Variants in SLC12A8 observed in about 807,000 individuals in gnomAD.
SLC12A8 encodes solute carrier family 12 member 8, also known as cation-chloride cotransporter 9.
A neutral mutation model predicts 75.6 loss-of-function variants in SLC12A8; 69 were observed. That is an observed-to-expected ratio of 0.91 (90% CI 0.75 to 1.11). SLC12A8 has a LOEUF of 1.11. SLC12A8 is among the 50% of genes most tolerant of loss of function. The pLI is 0.00. For missense variants in SLC12A8, 877 were observed against 896.7 expected, an observed-to-expected ratio of 0.98 and a Z score of 0.28; for synonymous variants, 365 against 372.8, an observed-to-expected ratio of 0.98 and a Z score of 0.24.
chr3:125,141,167 GGT>G (rs199718367), intron 5 of SLC12A8, among the ~76,000 whole-genome samples: 1,756 of 148,112 alleles, frequency 0.012, 70 homozygotes, highest in African/African-American at 0.041. Context: ...CAAAAAGGGG[GGT>G]GGGGTGGGGT....
intron 6 of SLC12A8, among the ~76,000 whole-genome samples, chr3:125,122,349 G>T (rs778851355): frequency 1.3e-5 from 2 of 152,018 alleles, no homozygotes; most frequent in African/African-American, 2.4e-5. Flanking sequence ...TTTTGTTGTT[G>T]TTGTTTTTGT....
At chr3:125,124,379 T>C (rs1042031459) in intron 6 of SLC12A8, among the ~76,000 whole-genome samples, 1 of 152,092 alleles carries the variant, frequency 6.6e-6, no homozygotes, top group East Asian at 1.9e-4. Flanking sequence ...CAAGCTGGAG[T>C]GCAATAGTGT....
intron 7 of SLC12A8, chr3:125,119,918 T>C: frequency 4.4e-6 from 2 of 456,692 alleles, no homozygotes; most frequent in South Asian, 3.1e-5. Context: ...AACAATATTC[T>C]AAAAGGTCAG....
intron 6 of SLC12A8, among the ~76,000 whole-genome samples, chr3:125,124,752 T>TA (rs1490191370): frequency 2.6e-5 from 4 of 152,264 alleles, no homozygotes; most frequent in Non-Finnish European, 4.4e-5. Context: ...ATTCACTAGT[T>TA]AGAGCTAGAA....
chr3:125,164,165 G>A (rs369288613), intron 5 of SLC12A8, among the ~76,000 whole-genome samples: 11 of 152,212 alleles, frequency 7.2e-5, no homozygotes, highest in African/African-American at 2.4e-4. Flanking sequence ...AAAGGAGAAA[G>A]GAAGCAGTAA....
At chr3:125,115,876 C>A (rs933370866) in intron 8 of SLC12A8, among the ~76,000 whole-genome samples, 5 of 152,224 alleles carry the variant, frequency 3.3e-5, no homozygotes, top group African/African-American at 1.2e-4. Flanking sequence ...AGAGATGCGC[C>A]GGCTCAGAAC....
intron 5 of SLC12A8, among the ~76,000 whole-genome samples, chr3:125,171,210 G>GGTAAAAATTAGGCCGGGC (rs796713389): frequency 2.4e-4 from 1 of 4,120 alleles, no homozygotes; most frequent in African/African-American, 4.4e-4. Context: ...TCCATTGAAA[G>GGTAAAAATTAGGCCGGGC]ATATCATCTC....
chr3:125,208,824 A>AAAGAGAGAGAGC (rs1935281962), intron 2 of SLC12A8, among the ~76,000 whole-genome samples: 1 of 127,480 alleles, frequency 7.8e-6, no homozygotes, highest in Non-Finnish European at 1.6e-5. Context: ...AGAGAGAGAG[A>AAAGAGAGAGAGC]GCTACCCTAT....
intron 9 of SLC12A8, among the ~76,000 whole-genome samples, chr3:125,109,342 G>C (rs758003697): frequency 6.6e-6 from 1 of 152,166 alleles, no homozygotes; most frequent in Non-Finnish European, 1.5e-5. Context: ...TGAAACCCAG[G>C]TTTACATATC....
intron 2 of SLC12A8, among the ~76,000 whole-genome samples, chr3:125,191,450 C>G (rs1443001740): frequency 8.9e-6 from 1 of 112,544 alleles, no homozygotes; most frequent in Non-Finnish European, 1.6e-5. Context: ...CCAGTGACCA[C>G]AAACGACTAC....
intron 4 of SLC12A8, among the ~76,000 whole-genome samples, chr3:125,185,795 G>A (rs770751934): frequency 1.3e-5 from 2 of 152,200 alleles, no homozygotes; most frequent in Non-Finnish European, 2.9e-5. Flanking sequence ...CCTGGCCCGC[G>A]CCAGCGACAA....
chr3:125,195,456 T>A (rs887292280), intron 2 of SLC12A8, among the ~76,000 whole-genome samples: 15 of 152,242 alleles, frequency 9.9e-5, no homozygotes, highest in Non-Finnish European at 4.4e-5. Flanking sequence ...GGTTAGGATC[T>A]GGGCAGCACC....
At chr3:125,195,166 A>G (rs989433925) in intron 2 of SLC12A8, among the ~76,000 whole-genome samples, 36 of 152,252 alleles carry the variant, frequency 2.4e-4, no homozygotes, top group African/African-American at 8.0e-4. Context: ...GAAGACAAAG[A>G]AGTCTTTTGA....
intron 5 of SLC12A8, among the ~76,000 whole-genome samples, chr3:125,141,673 A>AGGCTGCGGGCTGCGGGCTGCG (rs58035397): frequency 6.6e-5 from 10 of 151,814 alleles, no homozygotes; most frequent in South Asian, 4.2e-4. Flanking sequence ...CTGGGGCTGC[A>AGGCTGCGGGCTGCGGGCTGCG]GGCTGCGGGC....
In SLC12A8 at chr3:125,083,994, T is replaced by C. The variant is rs1190602061; in HGVS notation, c.2041A>G (p.Met681Val). ...TCCTGGGTGAGCTGAGTCATCTCCA[T>C]GTCAACCTTAGCCAGGGACGGCGCC... ...ILAPSLAKVD[M>V]EMTQLTQENA... Residue 681 changes from methionine (M) to valine (V), a missense_variant, in exon 14 of 14, where the codon ATG becomes GTG. Transcript: ENST00000469902. The C allele has an allele frequency of 2.5e-6, 4 of 1,613,438 alleles. No homozygotes were observed. The highest frequency in any genetic ancestry group is 2.2e-5 in the East Asian group (1 of 44,862).
In SLC12A8 at chr3:125,107,915, G is replaced by C. The variant is rs756323679; in HGVS notation, c.1271C>G (p.Ala424Gly). Residue 424 changes from alanine to glycine, a missense_variant, in exon 10 of 14, where the codon GCA becomes GGA. By Grantham distance (60) the Ala-to-Gly change is moderately conservative. Coordinates refer to ENST00000469902, the MANE Select transcript of SLC12A8 (RefSeq NM_024628.6). ...GTGCTCAGAGCAGTGGAGGCCTTCTGCGCCCTCCCTGAGCACCGGCTCAGG... is the reference window on the plus strand; with the variant it reads ...GTGCTCAGAGCAGTGGAGGCCTTCTCCGCCCTCCCTGAGCACCGGCTCAGG... ...PVPEPVLREG[A>G]EGLHCSEHLL... is the part of the protein sequence containing the mutation. 6.2e-7 allele frequency: 1 copy of C among 1,614,210 alleles called. No homozygotes were observed. Among genetic ancestry groups the C allele is most frequent in the Non-Finnish European group, 8.5e-7 (1 of 1,180,040 alleles).
At chr3:125,140,184 G>A (rs1396462115) in intron 5 of SLC12A8, among the ~76,000 whole-genome samples, 1 of 152,208 alleles carries the variant, frequency 6.6e-6, no homozygotes, top group Non-Finnish European at 1.5e-5. Flanking sequence ...ACACCACAGG[G>A]CAACCTCACT....
chr3:125,091,473 G>A lies in SLC12A8; in HGVS notation c.1887C>T (p.Phe629=). 6.2e-7 allele frequency: 1 copy of A among 1,613,880 alleles called. No homozygotes were observed. The highest frequency in any genetic ancestry group is 8.5e-7 in the Non-Finnish European group (1 of 1,179,862). ...VNMGVAAIVY[F]YIGRASPGLH... ...GCCCTGGACTGGCCCGGCCAATGTA[G>A]AAATACACGATGGCAGCAACACCCA... is the stretch of plus-strand genomic sequence containing the variant. Residue 629 remains phenylalanine (F), a synonymous_variant, in exon 12 of 14, where the codon TTC becomes TTT. Coordinates refer to ENST00000469902, the MANE Select transcript of SLC12A8 (RefSeq NM_024628.6).
chr3:125,132,659 C>T (rs1324448404), intron 6 of SLC12A8, among the ~76,000 whole-genome samples: 3 of 152,120 alleles, frequency 2.0e-5, no homozygotes, highest in Admixed American at 2.0e-4. Context: ...CCAAGATACC[C>T]AAGAGAAGAT....
Sources: gnomAD v4.1 joint callset for allele counts (sites outside exome capture counted in the v4.1 genomes callset) on GRCh38, gnomAD v4.1.1 for gene constraint, MANE v1.5 for transcripts, NCBI Gene and HGNC (gene_info 2026-07-23, HGNC 2026-07-21) for gene names.